The following SRD5A2 variants were observed in gnomAD, a reference collection of about 807,000 sequenced individuals.
The protein encoded by SRD5A2 is steroid 5 alpha-reductase 2.
Under a neutral mutation model 27.4 loss-of-function variants are expected in SRD5A2, and 30 were observed. That is an observed-to-expected ratio of 1.10 (90% CI 0.82 to 1.49). The LOEUF (loss-of-function observed/expected upper bound fraction) is 1.49. SRD5A2 is among the 40% of genes most tolerant of loss of function. SRD5A2 has a pLI of 0.00. For missense variants in SRD5A2, 348 were observed against 323.4 expected (o/e 1.08, Z -0.58); for synonymous variants, 141 against 133.6 (o/e 1.06, Z -0.38).
the SRD5A2 span, among the ~76,000 whole-genome samples, chr2:31,650,264 A>G: frequency 6.6e-6 from 1 of 152,222 alleles, no homozygotes; most frequent in South Asian, 2.1e-4. Context: ...AGATAGGTTT[A>G]TTTTTTGTAT....
chr2:31,632,819 A>G, the SRD5A2 span, among the ~76,000 whole-genome samples: 2 of 152,194 alleles, frequency 1.3e-5, no homozygotes, highest in Non-Finnish European at 2.9e-5. Flanking sequence ...AGCAGGGGCC[A>G]TTATACACTA....
chr2:31,554,947 G>GTGTGTGTGTGTGTGTT (rs1666462952), intron 1 of SRD5A2, among the ~76,000 whole-genome samples: 2 of 149,842 alleles, frequency 1.3e-5, no homozygotes, highest in African/African-American at 4.9e-5. Flanking sequence ...GTGTGTGTGT[G>GTGTGTGTGTGTGTGTT]TGTGTGTGTG....
At chr2:31,631,478 G>A in the SRD5A2 span, among the ~76,000 whole-genome samples, 1 of 151,978 alleles carries the variant, frequency 6.6e-6, no homozygotes, top group Non-Finnish European at 1.5e-5. Flanking sequence ...TTTCAGATGG[G>A]AAACGTTCCC....
chr2:31,583,045 C>A (rs1464342226), upstream of SRD5A2, among the ~76,000 whole-genome samples: 1 of 152,172 alleles, frequency 6.6e-6, no homozygotes, highest in African/African-American at 2.4e-5. Flanking sequence ...CTTGATAAAA[C>A]CAGTCATCTT....
the SRD5A2 span, among the ~76,000 whole-genome samples, chr2:31,595,849 A>G: frequency 1.3e-5 from 2 of 152,196 alleles, no homozygotes; most frequent in Non-Finnish European, 2.9e-5. Flanking sequence ...CAAAAAGATG[A>G]TCCACCATAA....
At chr2:31,653,125 G>A in the SRD5A2 span, among the ~76,000 whole-genome samples, 1 of 151,840 alleles carries the variant, frequency 6.6e-6, no homozygotes, top group Admixed American at 6.6e-5. Flanking sequence ...CCCACCCCCA[G>A]TCCCCTAGAG....
At chr2:31,540,577 G>A (rs1393975784) in intron 1 of SRD5A2, among the ~76,000 whole-genome samples, 8 of 152,194 alleles carry the variant, frequency 5.3e-5, no homozygotes, top group Non-Finnish European at 7.4e-5. Context: ...TAAGAAACAC[G>A]AGGAATCTGT....
upstream of SRD5A2, among the ~76,000 whole-genome samples, chr2:31,583,526 C>T (rs1667116949): frequency 6.6e-6 from 1 of 150,600 alleles, no homozygotes; most frequent in Admixed American, 6.6e-5. Flanking sequence ...ACAAACTGAA[C>T]ACCCTCTTGC....
the SRD5A2 span, among the ~76,000 whole-genome samples, chr2:31,622,033 C>T: frequency 1.3e-5 from 2 of 152,016 alleles, no homozygotes; most frequent in African/African-American, 2.4e-5. Context: ...TAAACAAGTG[C>T]CATGGTGGTT....
intron 1 of SRD5A2, among the ~76,000 whole-genome samples, chr2:31,553,404 T>G (rs1249058502): frequency 6.6e-6 from 1 of 152,064 alleles, no homozygotes; most frequent in African/African-American, 2.4e-5. Flanking sequence ...AGAAGGGAAA[T>G]GAACACTCAG....
At chr2:31,612,676 T>C in the SRD5A2 span, among the ~76,000 whole-genome samples, 294 of 152,280 alleles carry the variant, frequency 1.9e-3, no homozygotes, top group African/African-American at 6.7e-3. Context: ...TCCTAAAATT[T>C]ATACGGAGTT....
At chr2:31,621,432 A>G in the SRD5A2 span, among the ~76,000 whole-genome samples, 2 of 152,046 alleles carry the variant, frequency 1.3e-5, no homozygotes, top group Non-Finnish European at 2.9e-5. Context: ...TAGTATAAAT[A>G]TTTTGTTCAT....
chr2:31,603,036 T>G, the SRD5A2 span, among the ~76,000 whole-genome samples: 1 of 151,812 alleles, frequency 6.6e-6, no homozygotes, highest in Non-Finnish European at 1.5e-5. Context: ...ATGTCAAAAC[T>G]AATTGCAACA....
chr2:31,610,336 G>A, the SRD5A2 span, among the ~76,000 whole-genome samples: 2 of 152,084 alleles, frequency 1.3e-5, no homozygotes. Context: ...CCATTATCAA[G>A]CATAATTTAT....
chr2:31,635,558 T>G, the SRD5A2 span, among the ~76,000 whole-genome samples: 1 of 152,076 alleles, frequency 6.6e-6, no homozygotes, highest in Non-Finnish European at 1.5e-5. Context: ...CTTTATTTAC[T>G]AAATAAATCC....
chr2:31,558,815 G>A (rs945362439), intron 1 of SRD5A2, among the ~76,000 whole-genome samples: 1 of 152,152 alleles, frequency 6.6e-6, no homozygotes, highest in Non-Finnish European at 1.5e-5. Context: ...ATATGGTCTA[G>A]GTGTGTAGGA....
At chr2:31,590,085 C>T in the SRD5A2 span, among the ~76,000 whole-genome samples, 1 of 152,182 alleles carries the variant, frequency 6.6e-6, no homozygotes, top group Non-Finnish European at 1.5e-5. Context: ...AACCACCTCT[C>T]TGTCCTCCAC....
Position 31,529,410 on chromosome 2 carries a change from T to A in SRD5A2, c.595A>T (p.Ile199Phe). ...VSGANFLGEI[I>F]EWIGYALATW... is the part of the protein sequence containing the mutation. ...GCCAGGGCATAGCCGATCCATTCAA[T>A]GATCTCACCGAGGAAATTGGCTCCA... Residue 199 changes from isoleucine to phenylalanine, a missense_variant, in exon 4 of 5, where the codon ATT (isoleucine) becomes TTT (phenylalanine). Ile to Phe is a conservative substitution (Grantham distance 21). Coordinates refer to ENST00000622030, the MANE Select transcript of SRD5A2 (RefSeq NM_000348.4). The A allele has an allele frequency of 6.2e-7, 1 of 1,613,954 alleles. No homozygotes were observed. The highest frequency in any genetic ancestry group is 8.5e-7 in the Non-Finnish European group (1 of 1,179,832).
intron 1 of SRD5A2, among the ~76,000 whole-genome samples, chr2:31,570,969 G>A (rs963905524): frequency 1.3e-5 from 2 of 152,178 alleles, no homozygotes; most frequent in African/African-American, 4.8e-5. Flanking sequence ...CAGATTAAAT[G>A]CTATTCCTAT....
Sources: allele counts gnomAD v4.1 joint callset (sites outside exome capture counted in the v4.1 genomes callset), GRCh38; gene constraint gnomAD v4.1.1; transcripts MANE v1.5; gene names NCBI Gene and HGNC (gene_info 2026-07-23, HGNC 2026-07-21).